The following TOR1A variants were observed in gnomAD, a reference collection of about 807,000 sequenced individuals.
TOR1A encodes torsin family 1 member A.
In TOR1A, 18 loss-of-function variants were observed where a neutral mutation model predicts 31.4. The observed-to-expected ratio is 0.57, with a 90% CI of 0.40 to 0.85. TOR1A has a LOEUF of 0.85. Among genes scored for constraint, TOR1A ranks in the 40% least tolerant of loss-of-function variants. TOR1A has a pLI of 0.00. For synonymous variants in TOR1A, 168 were observed against 165.9 expected (o/e 1.01, Z -0.10); for missense variants, 375 against 416.4 (o/e 0.90, Z 0.87).
intron 4 of TOR1A, among the ~76,000 whole-genome samples, chr9:129,817,504 C>G (rs1168320912): frequency 1.3e-5 from 2 of 151,618 alleles, no homozygotes; most frequent in East Asian, 3.9e-4. Flanking sequence ...ATAAGACCAT[C>G]CTGGCTAACA....
At position 129,818,796 on chromosome 9, in the gene TOR1A, T is replaced by TA; in HGVS notation, c.568dup (p.Tyr190LeufsTer2). ...GTAGGAGACCCCATCCACCAGGTCATAATAGTCGAGGAAAGGCTTGATGGC... is the reference window on the plus strand; with the variant it reads ...GTAGGAGACCCCATCCACCAGGTCATAAATAGTCGAGGAAAGGCTTGATGGC... On this transcript the variant is annotated frameshift_variant, in exon 3 of 5. Transcript: ENST00000351698. LOFTEE classifies it high-confidence loss of function. 6.2e-7 allele frequency: 1 copy of TA among 1,613,674 alleles called. No homozygotes were observed. Among genetic ancestry groups the TA allele is most frequent in the Non-Finnish European group, 8.5e-7 (1 of 1,180,032 alleles).
At chr9:129,823,186 C>T (rs1026538692) in intron 1 of TOR1A, 2 of 402,414 alleles carry the variant, frequency 5.0e-6, no homozygotes, top group Non-Finnish European at 4.7e-6. Context: ...CCCTCCTGGT[C>T]GGCTGCGGAA....
intron 2 of TOR1A, among the ~76,000 whole-genome samples, chr9:129,819,214 T>C (rs1003419611): frequency 6.6e-6 from 1 of 152,200 alleles, no homozygotes; most frequent in Non-Finnish European, 1.5e-5. Context: ...AGCCCGATAC[T>C]TTGGTTACGG....
chr9:129,815,592 G>A (rs555194489), intron 4 of TOR1A, among the ~76,000 whole-genome samples: 5 of 152,308 alleles, frequency 3.3e-5, no homozygotes, highest in East Asian at 1.9e-4. Flanking sequence ...CAGGAGTGAC[G>A]GCAGAACAGG....
rs567308710 is a variant in TOR1A at position 129,817,104 on chromosome 9, G to A, written c.748+1416C>T. ...AGAAGTAGTGAGCTAAAACTTAAAA[G>A]CTCAGGTTTTAGAATCAGAGATACC... On this transcript the variant is annotated intron_variant, in intron 4 of 4. Coordinates refer to ENST00000351698, the MANE Select transcript of TOR1A (RefSeq NM_000113.3). Among the ~76,000 whole-genome samples, 10 of 152,290 alleles carry A rather than the reference G, an allele frequency of 6.6e-5. No individual in the cohort carries two copies. In the South Asian group the frequency reaches 1.9e-3, roughly 28 times the overall value.
rs1171448593 is a variant in TOR1A at position 129,820,321 on chromosome 9, C to T, written c.445-1401G>A. ...ATTTTTAGTAGAGATGGGGTTTCAC[C>T]ATCTTGGCCAGGCTGGTCTTGAACT... On this transcript the variant is annotated intron_variant, in intron 2 of 4. Coordinates refer to ENST00000351698, the MANE Select transcript of TOR1A (RefSeq NM_000113.3). Among the ~76,000 whole-genome samples the T allele has an allele frequency of 3.9e-5, 6 of 152,056 alleles. No individual in the cohort carries two copies. The East Asian group carries it at 1.2e-3, about 30-fold the overall frequency.
rs757198237 is a variant in TOR1A, at chr9:129,818,639, C to T, written c.629G>A (p.Gly210Glu). Residue 210 changes from glycine (G) to glutamate (E), a missense_variant, in exon 4 of 5, where the codon GGA becomes GAA. Physicochemically the swap from Gly to Glu is moderately conservative, Grantham distance 98. Transcript: ENST00000351698. ...KAMFIFLSNA[G>E]AERITDVALD... ...AGCCACATCTGTGATCCTTTCTGCTCCAGCATTGCTGCAAAACAATCCCAG... is the reference window on the plus strand; with the variant it reads ...AGCCACATCTGTGATCCTTTCTGCTTCAGCATTGCTGCAAAACAATCCCAG... 1.2e-6 allele frequency: 2 copies of T among 1,614,196 alleles called. No homozygotes were observed. Among genetic ancestry groups the T allele is most frequent in the South Asian group, 2.2e-5 (2 of 91,082 alleles).
intron 4 of TOR1A, among the ~76,000 whole-genome samples, chr9:129,815,465 T>C (rs1297779791): frequency 1.3e-5 from 2 of 152,318 alleles, no homozygotes; most frequent in East Asian, 3.9e-4. Context: ...CAATCTCAGA[T>C]GGTGCTTGGA....
chr9:129,823,877 G>GCCCC, intron 1 of TOR1A, 31 bp downstream of exon 1: 28 of 1,237,600 alleles, frequency 2.3e-5, no homozygotes, highest in Admixed American at 6.4e-5. Flanking sequence ...CCCAGCCCCA[G>GCCCC]CCCCAGCCTC....
In TOR1A at chr9:129,823,966, C is replaced by A; in HGVS notation, c.120G>T (p.Pro40=). Residue 40 remains proline (P), a synonymous_variant, in exon 1 of 5, where the codon CCG becomes CCT. Coordinates refer to ENST00000351698, the MANE Select transcript of TOR1A (RefSeq NM_000113.3). ...LAGVLTGYIY[P]RLYCLFAECC... is the part of the protein sequence containing the mutation. The stretch of plus-strand genomic sequence containing the variant: ...ACTCGGCGAAGAGGCAGTAGAGACG[C>A]GGGTAGATGTAGCCGGTGAGGACGC... 6.2e-7 allele frequency: 1 copy of A among 1,611,432 alleles called. No individual in the cohort carries two copies.
At chr9:129,815,939 C>T in intron 4 of TOR1A, among the ~76,000 whole-genome samples, 1 of 152,086 alleles carries the variant, frequency 6.6e-6, no homozygotes, top group African/African-American at 2.4e-5. Context: ...GGCTGTGGGT[C>T]TGTCCTCCAT....
rs1243026347 is a variant in TOR1A at position 129,822,832 on chromosome 9, G to A, written c.193C>T (p.Leu65=). ...SLSREALQKD[L]DDNLFGQHLA... ...TGCTGTCCAAAGAGGTTGTCGTCCAGATCCTTCTGCAGTGCTGGGAAAGAC... is the reference window on the plus strand; with the variant it reads ...TGCTGTCCAAAGAGGTTGTCGTCCAAATCCTTCTGCAGTGCTGGGAAAGAC... The change falls in exon 2 of 5, where the codon CTG becomes TTG. Residue 65 remains leucine (L), a synonymous_variant. Transcript: ENST00000351698. 6.2e-7 allele frequency: 1 copy of A among 1,614,228 alleles called. No individual in the cohort carries two copies. Among genetic ancestry groups the A allele is most frequent in the East Asian group, 2.2e-5 (1 of 44,892 alleles).
Position 129,823,893 on chromosome 9 carries a change from C to G in TOR1A, c.178+15G>C, listed in dbSNP as rs1175734042. The G allele has an allele frequency of 6.4e-7, 1 of 1,557,308 alleles. No individual in the cohort carries two copies. Among genetic ancestry groups the G allele is most frequent in the Non-Finnish European group, 8.7e-7 (1 of 1,152,004 alleles). On this transcript the variant is annotated intron_variant, in intron 1 of 4. Transcript: ENST00000351698. ...CCAGCCCCAGCCCCAGCCTCCAGCCCCCGCCCCAGCCTACCCTCCCGGCTA... is the reference window on the plus strand; with the variant it reads ...CCAGCCCCAGCCCCAGCCTCCAGCCGCCGCCCCAGCCTACCCTCCCGGCTA...
intron 4 of TOR1A, among the ~76,000 whole-genome samples, chr9:129,816,757 A>G (rs188074090): frequency 1.1e-4 from 16 of 152,248 alleles, no homozygotes; most frequent in Non-Finnish European, 1.6e-4. Flanking sequence ...GCATTAGGCT[A>G]AAGTTTCCAC....
At position 129,824,065 on chromosome 9, in the gene TOR1A, C is replaced by T. The variant is rs757085642; in HGVS notation, c.21G>A (p.Val7=). The T allele has an allele frequency of 5.0e-6, 8 of 1,594,612 alleles. No individual in the cohort carries two copies. The highest frequency in any genetic ancestry group is 6.0e-6 in the Non-Finnish European group (7 of 1,173,460). MKLGRA[V]LGLLLLAPSV... ...ACGGCGCCAGCAGCAGCAGGCCCAGCACGGCCCGGCCCAGCTTCATGCCCG... is the reference window on the plus strand; with the variant it reads ...ACGGCGCCAGCAGCAGCAGGCCCAGTACGGCCCGGCCCAGCTTCATGCCCG... Residue 7 remains valine (V), a synonymous_variant, in exon 1 of 5, where the codon GTG becomes GTA. Coordinates refer to ENST00000351698, the MANE Select transcript of TOR1A (RefSeq NM_000113.3).
At chr9:129,823,803 C>A in intron 1 of TOR1A, 105 bp downstream of exon 1, 2 of 1,417,544 alleles carry the variant, frequency 1.4e-6, no homozygotes, top group Non-Finnish European at 1.9e-6. Flanking sequence ...GGTGCCATCC[C>A]CCGGCCTCCA....
intron 4 of TOR1A, chr9:129,818,260 G>A (rs1480718252): frequency 2.0e-6 from 1 of 507,642 alleles, no homozygotes; most frequent in African/African-American, 1.9e-5. Flanking sequence ...GCAAGGTTAC[G>A]CCACTGCACT....
intron 4 of TOR1A, among the ~76,000 whole-genome samples, chr9:129,816,009 C>A (rs1352585708): frequency 6.6e-6 from 1 of 152,028 alleles, no homozygotes; most frequent in Non-Finnish European, 1.5e-5. Context: ...CTGCCCAGGA[C>A]CCTCCAGGCC....
intron 2 of TOR1A, chr9:129,821,337 T>C (rs1352935530): frequency 1.3e-5 from 2 of 152,130 alleles, no homozygotes; most frequent in African/African-American, 2.4e-5. Flanking sequence ...AATAAATAAT[T>C]GACTGTTTTG....
Sources: gnomAD v4.1 joint callset for allele counts (sites outside exome capture counted in the v4.1 genomes callset) on GRCh38, gnomAD v4.1.1 for gene constraint, MANE v1.5 for transcripts, NCBI Gene and HGNC (gene_info 2026-07-23, HGNC 2026-07-21) for gene names.